ACACA: variants seen among roughly 807,000 people sequenced by gnomAD.
ACACA encodes the protein acetyl-CoA carboxylase alpha, also known as acetyl-CoA carboxylase 1.
Under a neutral mutation model 296.1 loss-of-function variants are expected in ACACA, and 103 were observed. That is an observed-to-expected ratio of 0.35 (90% confidence interval 0.30 to 0.41). The LOEUF is 0.41. ACACA is among the 10% of genes least tolerant of loss of function. ACACA has a pLI of 1.00. For synonymous variants in ACACA, 953 were observed against 1,038.6 expected, an observed-to-expected ratio of 0.92 and a Z score of 1.58; for missense variants, 1,554 against 2,989.7, an observed-to-expected ratio of 0.52 and a Z score of 11.20.
chr17:37,155,797 G>A lies in ACACA; in HGVS notation c.5350-17C>T. ...CCTGTATCCCTGTGAAGCACAAATA[G>A]TTTTTAACTCATTATTTGCCATTGT... On this transcript the variant is annotated splice_polypyrimidine_tract_variant and intron_variant, in intron 42 of 55. Coordinates refer to ENST00000616317, the MANE Select transcript of ACACA (RefSeq NM_198834.3). 1 of 1,495,818 alleles carries A rather than the reference G, an allele frequency of 6.7e-7. No individual in the cohort carries two copies. The highest frequency in any genetic ancestry group is 1.4e-5 in the African/African-American group (1 of 72,670). 92.7% of individuals were successfully genotyped at this position (1,495,818 alleles called of 1,614,324 possible). A position where few individuals can be genotyped will look rare whatever the true frequency, so the allele number is the denominator to read the frequency against.
intron 3 of ACACA, chr17:37,299,267 G>A: frequency 1.2e-6 from 2 of 1,612,468 alleles, no homozygotes; most frequent in East Asian, 4.5e-5. Flanking sequence ...AAATGTGGTA[G>A]CCTAACACTT....
chr17:37,375,859 C>T (rs2049981083), intron 1 of ACACA: 9 of 466,078 alleles, frequency 1.9e-5, no homozygotes, highest in Admixed American at 7.5e-5. Context: ...GCACCGGCAG[C>T]GAAGTCAGAA....
chr17:37,369,697 T>C (rs760235271), intron 1 of ACACA, among the ~76,000 whole-genome samples: 1 of 151,788 alleles, frequency 6.6e-6, no homozygotes, highest in Non-Finnish European at 1.5e-5. Flanking sequence ...ATCTGGATAA[T>C]ACATTCTTTT....
chr17:37,130,672 C>T (rs1392053324), intron 45 of ACACA, among the ~76,000 whole-genome samples: 1 of 152,128 alleles, frequency 6.6e-6, no homozygotes, highest in East Asian at 1.9e-4. Context: ...TCTCCACCAG[C>T]TGCCACAGAT....
chr17:37,174,018 A>ATTTT (rs2077008643), intron 41 of ACACA, among the ~76,000 whole-genome samples: 7 of 15,432 alleles, frequency 4.5e-4, no homozygotes, highest in African/African-American at 1.1e-3. Flanking sequence ...ATATATATAT[A>ATTTT]TATTTTTTTT....
intron 3 of ACACA, among the ~76,000 whole-genome samples, chr17:37,295,414 T>A (rs2083280049): frequency 6.6e-6 from 1 of 152,214 alleles, no homozygotes; most frequent in African/African-American, 2.4e-5. Flanking sequence ...AAGTTCTTGG[T>A]GTTTTGAACA....
Position 37,200,118 on chromosome 17 carries a change from AT to A in ACACA, c.4158+20del. The A allele has an allele frequency of 1.9e-6, 3 of 1,553,262 alleles. No homozygotes were observed. The highest frequency in any genetic ancestry group is 2.7e-6 in the Non-Finnish European group (3 of 1,124,840). On this transcript the variant is annotated intron_variant, in intron 35 of 55. Coordinates refer to ENST00000616317, the MANE Select transcript of ACACA (RefSeq NM_198834.3). ...CAAATAAAACAGTAAGTAATCTTTC[AT>A]TATTGTTCATTTTACTTACATGAAA...
intron 24 of ACACA, among the ~76,000 whole-genome samples, chr17:37,236,740 G>A (rs1317451582): frequency 6.6e-6 from 1 of 152,066 alleles, no homozygotes; most frequent in Non-Finnish European, 1.5e-5. Flanking sequence ...CAGAAGAATT[G>A]CTTGAACCCA....
intron 1 of ACACA, among the ~76,000 whole-genome samples, chr17:37,364,600 A>G (rs1294594744): frequency 2.3e-5 from 3 of 129,916 alleles, no homozygotes; most frequent in East Asian, 2.2e-4. Flanking sequence ...CAAAAAAAAA[A>G]AAAAAGAAAA....
intron 3 of ACACA, among the ~76,000 whole-genome samples, chr17:37,287,349 TA>T (rs1217411135): frequency 6.6e-6 from 1 of 152,104 alleles, no homozygotes; most frequent in Non-Finnish European, 1.5e-5. Context: ...TCTCTATGCA[TA>T]AAACTCAATG....
chr17:37,358,028 A>G (rs1407753985), intron 1 of ACACA, among the ~76,000 whole-genome samples: 2 of 152,242 alleles, frequency 1.3e-5, no homozygotes, highest in Non-Finnish European at 2.9e-5. Context: ...ACATTAGGAA[A>G]TTACTGAAAC....
At chr17:37,306,293 A>C (rs2083883469) in intron 3 of ACACA, among the ~76,000 whole-genome samples, 1 of 152,152 alleles carries the variant, frequency 6.6e-6, no homozygotes, top group Non-Finnish European at 1.5e-5. Flanking sequence ...AATTTTGTCA[A>C]GTTTGTCAAT....
chr17:37,191,305 T>C (rs760875081), intron 37 of ACACA, 30 bp from the exon 38 acceptor site: 8 of 1,605,662 alleles, frequency 5.0e-6, no homozygotes, highest in Admixed American at 3.4e-5. Flanking sequence ...TCAACATTAA[T>C]GTAGTTTAAA....
intron 1 of ACACA, among the ~76,000 whole-genome samples, chr17:37,347,258 C>T (rs2048668946): frequency 6.6e-6 from 1 of 152,214 alleles, no homozygotes; most frequent in Non-Finnish European, 1.5e-5. Flanking sequence ...ACGTGCTCCT[C>T]CTTGCCTTCC....
At chr17:37,149,388 C>T (rs538112810) in intron 45 of ACACA, among the ~76,000 whole-genome samples, 10 of 152,258 alleles carry the variant, frequency 6.6e-5, no homozygotes, top group South Asian at 6.2e-4. Context: ...ACACCTAGGC[C>T]GGTACCTAAT....
rs554824903 is a variant in ACACA, at chr17:37,375,012, A to G, written c.38+31250T>C. On this transcript the variant is annotated intron_variant, in intron 1 of 55. Coordinates refer to ENST00000616317, the MANE Select transcript of ACACA (RefSeq NM_198834.3). ...GGAGTTCGAGACCAGCCTGGCCAACATGGTGAAACCTGTCTCTACTAAAAA... is the reference window on the plus strand; with the variant it reads ...GGAGTTCGAGACCAGCCTGGCCAACGTGGTGAAACCTGTCTCTACTAAAAA... Among the ~76,000 whole-genome samples, 7 of 151,856 alleles carry G rather than the reference A, an allele frequency of 4.6e-5. No homozygotes were observed. In the South Asian group the frequency reaches 1.5e-3, roughly 32 times the overall value.
At position 37,240,464 on chromosome 17, in the gene ACACA, G is replaced by A. The variant is rs1490182938; in HGVS notation, c.3121+12C>T. 1.9e-6 allele frequency: 3 copies of A among 1,612,168 alleles called. No individual in the cohort carries two copies. Among genetic ancestry groups the A allele is most frequent in the Non-Finnish European group, 1.7e-6 (2 of 1,179,234 alleles). On this transcript the variant is annotated intron_variant, in intron 24 of 55. Transcript: ENST00000616317. ...GCTTTCTTAGCTAGAGAGTCCTCAGGAAGAGGCTTACCATTCTGGAATTGT... is the reference window on the plus strand; with the variant it reads ...GCTTTCTTAGCTAGAGAGTCCTCAGAAAGAGGCTTACCATTCTGGAATTGT...
chr17:37,094,663 C>T (rs992586161), intron 54 of ACACA, among the ~76,000 whole-genome samples: 1 of 149,950 alleles, frequency 6.7e-6, no homozygotes, highest in African/African-American at 2.4e-5. Flanking sequence ...ACCCTTTCTT[C>T]TCTCAAGGGC....
At chr17:37,188,061 T>A (rs1339301313) in intron 39 of ACACA, among the ~76,000 whole-genome samples, 2 of 152,166 alleles carry the variant, frequency 1.3e-5, no homozygotes, top group Non-Finnish European at 2.9e-5. Flanking sequence ...ACATGACAAA[T>A]GGTTAAGGGT....
Sources: gnomAD v4.1 joint callset for allele counts (sites outside exome capture counted in the v4.1 genomes callset) on GRCh38, gnomAD v4.1.1 for gene constraint, MANE v1.5 for transcripts, NCBI Gene and HGNC (gene_info 2026-07-23, HGNC 2026-07-21) for gene names.